Variants in AGBL4 observed in about 807,000 individuals in gnomAD.
AGBL4 encodes AGBL carboxypeptidase 4, also known as cytosolic carboxypeptidase 6.
Under a neutral mutation model 66.4 loss-of-function variants are expected in AGBL4, and 58 were observed. The observed-to-expected ratio is 0.87, with a 90% CI of 0.71 to 1.09. The LOEUF (loss-of-function observed/expected upper bound fraction) is 1.09, where lower values mean the gene tolerates loss of function less well. Ranked by LOEUF, AGBL4 falls within the 50% of genes least tolerant of loss-of-function variation. The probability of loss-of-function intolerance (pLI) is 0.00; values close to 1 mark genes in which losing one functional copy is unlikely to be tolerated. For synonymous variants in AGBL4, 234 were observed against 222.9 expected (o/e 1.05, Z -0.44); for missense variants, 579 against 631.0 (o/e 0.92, Z 0.88).
At chr1:49,618,595 G>T (rs1312875300) in intron 3 of AGBL4, among the ~76,000 whole-genome samples, 1 of 152,144 alleles carries the variant, frequency 6.6e-6, no homozygotes, top group East Asian at 1.9e-4. Context: ...GAAAAAGAGG[G>T]ATTCCTCCCT....
rs534539533 is a variant in AGBL4, at chr1:48,855,751, C to CT, written c.634+11439dup. On this transcript the variant is annotated intron_variant, in intron 6 of 13. Transcript: ENST00000371839. ...AATAACATAATGCACAACAATAGAA[C>CT]TTTTTTTTTTGCAAATAAGGCTACA... 8.2e-3 allele frequency among the ~76,000 whole-genome samples: 1,225 copies of CT among 149,166 alleles called. 17 individuals are homozygous for CT. The highest frequency in any genetic ancestry group is 0.051 in the South Asian group (241 of 4,730).
intron 6 of AGBL4, among the ~76,000 whole-genome samples, chr1:48,866,480 C>G (rs535944795): frequency 6.6e-6 from 1 of 152,170 alleles, no homozygotes; most frequent in Admixed American, 6.5e-5. Flanking sequence ...ATAACCACCA[C>G]ATCAACTCTC....
rs540329906 is a variant in AGBL4, at chr1:49,131,936, G to C, written c.378-86136C>G. Among the ~76,000 whole-genome samples the C allele has an allele frequency of 7.9e-5, 12 of 152,158 alleles. No homozygotes were observed. The South Asian group carries it at 2.1e-3, about 26-fold the overall frequency. On this transcript the variant is annotated intron_variant, in intron 4 of 13. Transcript: ENST00000371839. ...AAGACAAGATATGGAACTGGAAAATGGTAATATAGGTCTGTATCTAAAGAC... is the reference window on the plus strand; with the variant it reads ...AAGACAAGATATGGAACTGGAAAATCGTAATATAGGTCTGTATCTAAAGAC...
intron 4 of AGBL4, among the ~76,000 whole-genome samples, chr1:49,070,908 C>T (rs1401364798): frequency 6.6e-6 from 1 of 151,886 alleles, no homozygotes; most frequent in Non-Finnish European, 1.5e-5. Context: ...TTAATTATTG[C>T]CTCAATTTCA....
chr1:49,673,129 T>G (rs1646513771), intron 3 of AGBL4, among the ~76,000 whole-genome samples: 1 of 152,136 alleles, frequency 6.6e-6, no homozygotes, highest in Admixed American at 6.5e-5. Flanking sequence ...TCTATAGGAT[T>G]TTGATGGTCT....
intron 1 of AGBL4, among the ~76,000 whole-genome samples, chr1:49,866,642 TA>T (rs1242166030): frequency 6.6e-6 from 1 of 152,038 alleles, no homozygotes; most frequent in Non-Finnish European, 1.5e-5. Context: ...CATGCACCTG[TA>T]ATCCCAGCTA....
chr1:49,628,303 G>A (rs981576054), intron 3 of AGBL4, among the ~76,000 whole-genome samples: 9 of 151,976 alleles, frequency 5.9e-5, no homozygotes, highest in Non-Finnish European at 1.2e-4. Context: ...AGGGACAGAG[G>A]AACTTTTCAC....
intron 1 of AGBL4, among the ~76,000 whole-genome samples, chr1:49,862,818 T>A (rs558464044): frequency 5.3e-5 from 8 of 152,192 alleles, no homozygotes; most frequent in Non-Finnish European, 1.0e-4. Context: ...ATATGGAGGA[T>A]AAATAAAGAC....
rs560139413 is a variant in AGBL4 at position 49,353,898 on chromosome 1, T to C, written c.283-108034A>G. ...CTTCCCACTCCATCCTCTTTCCAGC[T>C]CCCCAATCATCCTGCTGAGAGCCAC... On this transcript the variant is annotated intron_variant, in intron 3 of 13. Coordinates refer to ENST00000371839, the MANE Select transcript of AGBL4 (RefSeq NM_032785.4). Among the ~76,000 whole-genome samples, 4 of 152,064 alleles carry C rather than the reference T, an allele frequency of 2.6e-5. No individual in the cohort carries two copies. The South Asian group carries it at 8.3e-4, about 32-fold the overall frequency.
intron 3 of AGBL4, among the ~76,000 whole-genome samples, chr1:49,656,885 C>A (rs1646148162): frequency 6.6e-6 from 1 of 152,260 alleles, no homozygotes; most frequent in African/African-American, 2.4e-5. Flanking sequence ...TTATGACAAA[C>A]CCACAGCCAA....
chr1:49,491,555 C>A (rs1044307991), intron 3 of AGBL4, among the ~76,000 whole-genome samples: 1 of 151,824 alleles, frequency 6.6e-6, no homozygotes, highest in Non-Finnish European at 1.5e-5. Context: ...AAAGGAATTA[C>A]CATGATTCAA....
chr1:49,368,130 T>C (rs563230052), intron 3 of AGBL4, among the ~76,000 whole-genome samples: 21 of 152,352 alleles, frequency 1.4e-4, no homozygotes, highest in Non-Finnish European at 2.5e-4. Context: ...TTCTACTATA[T>C]GGATATGCTG....
At chr1:48,754,846 C>G (rs376942197) in intron 6 of AGBL4, among the ~76,000 whole-genome samples, 14 of 152,126 alleles carry the variant, frequency 9.2e-5, no homozygotes, top group Middle Eastern at 3.4e-3. Context: ...AGTCTAAGAG[C>G]TAAAGAAGGC....
chr1:48,628,357 C>G (rs1057007906), intron 9 of AGBL4, among the ~76,000 whole-genome samples: 2 of 152,158 alleles, frequency 1.3e-5, no homozygotes, highest in Admixed American at 1.3e-4. Context: ...TTTGAGGACT[C>G]TCCATGGACT....
chr1:49,343,026 C>G (rs1490816008), intron 3 of AGBL4, among the ~76,000 whole-genome samples: 1 of 152,076 alleles, frequency 6.6e-6, no homozygotes, highest in African/African-American at 2.4e-5. Context: ...TAAAAGTGGA[C>G]AACCAAGCTA....
intron 5 of AGBL4, among the ~76,000 whole-genome samples, chr1:49,013,354 T>G (rs558191854): frequency 2.6e-5 from 4 of 152,208 alleles, no homozygotes; most frequent in African/African-American, 7.2e-5. Flanking sequence ...TAAGCAACAC[T>G]AAGCAATGTC....
chr1:49,277,727 T>C (rs1014774389), intron 3 of AGBL4, among the ~76,000 whole-genome samples: 2 of 133,676 alleles, frequency 1.5e-5, no homozygotes, highest in Non-Finnish European at 3.3e-5. Context: ...TCAAATAAGT[T>C]GGCATAGCTG....
intron 2 of AGBL4, among the ~76,000 whole-genome samples, chr1:49,817,861 A>G (rs938311761): frequency 1.3e-5 from 2 of 152,232 alleles, no homozygotes; most frequent in South Asian, 2.1e-4. Flanking sequence ...AAAGAGATTA[A>G]TATCAATTCC....
intron 3 of AGBL4, among the ~76,000 whole-genome samples, chr1:49,622,641 A>G (rs1026933683): frequency 2.7e-5 from 4 of 150,544 alleles, no homozygotes; most frequent in Non-Finnish European, 5.9e-5. Context: ...AAAAAAAAAA[A>G]AAAAAAAAAA....
Sources: allele counts gnomAD v4.1 joint callset (sites outside exome capture counted in the v4.1 genomes callset), GRCh38; gene constraint gnomAD v4.1.1; transcripts MANE v1.5; gene names NCBI Gene and HGNC (gene_info 2026-07-23, HGNC 2026-07-21).